The following NPAS3 variants were observed in gnomAD, a reference collection of about 807,000 sequenced individuals.
NPAS3 encodes the protein neuronal PAS domain protein 3, also known as neuronal PAS domain-containing protein 3.
In NPAS3, 14 loss-of-function variants were observed where a neutral mutation model predicts 73.1. That is an observed-to-expected ratio of 0.19 (90% CI 0.13 to 0.30). The LOEUF is 0.30. Ranked by LOEUF, NPAS3 falls within the 10% of genes least tolerant of loss-of-function variation. The pLI, the probability that NPAS3 is intolerant of heterozygous loss-of-function variation, is 1.00. For missense variants in NPAS3, 1,096 were observed against 1,250.0 expected, an observed-to-expected ratio of 0.88 and a Z score of 1.86; for synonymous variants, 620 against 541.5, an observed-to-expected ratio of 1.14 and a Z score of -2.01.
chr14:33,394,577 T>C (rs2047143459), intron 4 of NPAS3, among the ~76,000 whole-genome samples: 1 of 152,166 alleles, frequency 6.6e-6, no homozygotes. Flanking sequence ...GCTAGAACTT[T>C]TTTAGCTAAT....
chr14:33,766,491 C>T (rs17101865), intron 7 of NPAS3, among the ~76,000 whole-genome samples: 23,524 of 152,092 alleles, frequency 0.15, 2,616 homozygotes, highest in African/African-American at 0.3. Flanking sequence ...TACCAGCCTT[C>T]GTTCCTAACT....
At chr14:33,438,984 G>T (rs558772713) in intron 4 of NPAS3, among the ~76,000 whole-genome samples, 17 of 152,080 alleles carry the variant, frequency 1.1e-4, no homozygotes, top group South Asian at 2.1e-4. Flanking sequence ...TGGTGCTAAG[G>T]TCGGACATGT....
At chr14:33,239,862 A>G (rs1202855455) in intron 3 of NPAS3, among the ~76,000 whole-genome samples, 1 of 135,166 alleles carries the variant, frequency 7.4e-6, no homozygotes, top group African/African-American at 2.8e-5. Context: ...AATTAGAAAT[A>G]GTTTTTTTTT....
At chr14:33,097,860 C>G (rs2042468657) in intron 2 of NPAS3, among the ~76,000 whole-genome samples, 1 of 152,016 alleles carries the variant, frequency 6.6e-6, no homozygotes, top group Non-Finnish European at 1.5e-5. Flanking sequence ...GAGTTATTAT[C>G]TGCTTTCTTG....
At chr14:33,653,428 T>A (rs1267668869) in intron 5 of NPAS3, among the ~76,000 whole-genome samples, 1 of 152,262 alleles carries the variant, frequency 6.6e-6, no homozygotes, top group East Asian at 1.9e-4. Flanking sequence ...GTTTTTATCA[T>A]AAGGCAGATA....
rs572841381 is a variant in NPAS3 at position 33,542,129 on chromosome 14, C to G, written c.469-17992C>G. Among the ~76,000 whole-genome samples the G allele has an allele frequency of 5.3e-5, 8 of 152,258 alleles. No homozygotes were observed. The East Asian group carries it at 1.5e-3, about 29-fold the overall frequency. ...ATTTCAGTTTTGCTGGCCAGAAACT[C>G]TTCATGGCTTTCTCCTGACAACTTT... is the stretch of plus-strand genomic sequence containing the variant. On this transcript the variant is annotated intron_variant, in intron 4 of 11. Transcript: ENST00000356141.
At chr14:33,623,912 TG>T (rs1344310158) in intron 5 of NPAS3, among the ~76,000 whole-genome samples, 2 of 152,234 alleles carry the variant, frequency 1.3e-5, no homozygotes, top group African/African-American at 4.8e-5. Flanking sequence ...TAAAAAGAAA[TG>T]CTAAAAGGAC....
At chr14:33,098,544 G>C (rs1315115) in intron 2 of NPAS3, among the ~76,000 whole-genome samples, 1 of 152,064 alleles carries the variant, frequency 6.6e-6, no homozygotes, top group African/African-American at 2.4e-5. Flanking sequence ...TCACACAGCT[G>C]GTAAAGTGGG....
At chr14:33,675,071 C>G (rs1023381400) in intron 5 of NPAS3, among the ~76,000 whole-genome samples, 4 of 98,988 alleles carry the variant, frequency 4.0e-5, no homozygotes, top group Non-Finnish European at 2.5e-5. Context: ...AAATATCCAC[C>G]AAGAAACTTG....
chr14:33,571,318 G>T (rs2056204808), intron 5 of NPAS3, among the ~76,000 whole-genome samples: 2 of 152,126 alleles, frequency 1.3e-5, no homozygotes, highest in Non-Finnish European at 2.9e-5. Flanking sequence ...TAAAATGTGT[G>T]CTCTCTGCAG....
At chr14:33,604,945 A>C (rs1166426180) in intron 5 of NPAS3, among the ~76,000 whole-genome samples, 1 of 152,142 alleles carries the variant, frequency 6.6e-6, no homozygotes. Context: ...GCAGCATATC[A>C]CTAAAGAAGT....
intron 3 of NPAS3, among the ~76,000 whole-genome samples, chr14:33,233,440 C>A (rs916552913): frequency 4.7e-4 from 71 of 152,188 alleles, no homozygotes; most frequent in Non-Finnish European, 1.0e-4. Flanking sequence ...GAGACAGAAG[C>A]TCTTACATGT....
At chr14:33,161,028 A>G (rs371562993) in intron 2 of NPAS3, among the ~76,000 whole-genome samples, 27 of 152,336 alleles carry the variant, frequency 1.8e-4, no homozygotes, top group East Asian at 1.7e-3. Context: ...GTGGAGGACA[A>G]TGAAAGATAA....
rs188419483 is a variant in NPAS3, at chr14:33,120,502, A to T, written c.140+64508A>T. Among the ~76,000 whole-genome samples, 19 of 152,172 alleles carry T rather than the reference A, an allele frequency of 1.2e-4. No homozygotes were observed. The East Asian group carries it at 3.7e-3, about 30-fold the overall frequency. ...AAGTGGTATTAGACAACAAACATAC[A>T]TGCTTCCTTACACCCATCCAACCAA... On this transcript the variant is annotated intron_variant, in intron 2 of 11. Coordinates refer to ENST00000356141, the Ensembl canonical transcript of NPAS3.
chr14:33,702,041 A>C (rs2060537939), intron 6 of NPAS3, among the ~76,000 whole-genome samples: 1 of 152,256 alleles, frequency 6.6e-6, no homozygotes, highest in Non-Finnish European at 1.5e-5. Context: ...TCTAGAGAAG[A>C]TGCAAGATAA....
intron 4 of NPAS3, among the ~76,000 whole-genome samples, chr14:33,471,258 C>T (rs772874038): frequency 5.3e-5 from 8 of 152,210 alleles, no homozygotes; most frequent in East Asian, 1.9e-4. Context: ...AGGCAAGTCA[C>T]GCTAGCTGGA....
At chr14:33,332,795 C>T (rs138834733) in intron 3 of NPAS3, among the ~76,000 whole-genome samples, 357 of 152,294 alleles carry the variant, frequency 2.3e-3, no homozygotes, top group Admixed American at 2.5e-3. Flanking sequence ...CAAGCAAACA[C>T]GGGTTGGTCT....
intron 2 of NPAS3, among the ~76,000 whole-genome samples, chr14:33,185,749 A>G (rs2045953310): frequency 6.6e-6 from 1 of 152,198 alleles, no homozygotes; most frequent in Non-Finnish European, 1.5e-5. Context: ...TCTTCAGAAG[A>G]GAGCCACTCG....
chr14:33,232,292 A>T (rs75057044), intron 3 of NPAS3, among the ~76,000 whole-genome samples: 2,474 of 152,288 alleles, frequency 0.016, 33 homozygotes, highest in Middle Eastern at 0.031. Context: ...CTTTGGACGG[A>T]TTCATCCCCA....
Sources: allele counts gnomAD v4.1 joint callset (sites outside exome capture counted in the v4.1 genomes callset), GRCh38; gene constraint gnomAD v4.1.1; transcripts MANE v1.5; gene names NCBI Gene and HGNC (gene_info 2026-07-23, HGNC 2026-07-21).